The following MED16 variants were observed in gnomAD, a reference collection of about 807,000 sequenced individuals.
MED16 encodes the protein mediator complex subunit 16.
A neutral mutation model predicts 84.4 loss-of-function variants in MED16; 81 were observed. That is an observed-to-expected ratio of 0.96 (90% CI 0.80 to 1.15). The LOEUF (loss-of-function observed/expected upper bound fraction) is 1.15. Ranked by LOEUF, MED16 falls within the 50% of genes most tolerant of loss-of-function variation. The pLI is 0.00. For synonymous variants in MED16, 897 were observed against 552.2 expected (o/e 1.62, Z -8.76); for missense variants, 1,585 against 1,245.9 (o/e 1.27, Z -4.10).
At chr19:880,559 CG>C (rs966451509) in intron 7 of MED16, among the ~76,000 whole-genome samples, 2 of 151,038 alleles carry the variant, frequency 1.3e-5, no homozygotes, top group African/African-American at 4.9e-5. Context: ...GTACGAGGGC[CG>C]GGGGGAGGTG....
At position 877,193 on chromosome 19, in the gene MED16, G is replaced by C. The variant is rs771306272; in HGVS notation, c.1354-13C>G. The C allele has an allele frequency of 1.2e-6, 2 of 1,600,192 alleles. No homozygotes were observed. Among genetic ancestry groups the C allele is most frequent in the South Asian group, 1.1e-5 (1 of 89,720 alleles). On this transcript the variant is annotated splice_polypyrimidine_tract_variant and intron_variant, in intron 8 of 15. Transcript: ENST00000325464. ...GGAGCACGCTCAGCTGCCAGAGACA[G>C]AGCCCAAGGAGAGCCCGGTGAGATG...
At chr19:876,455 T>C (rs894766769) in intron 9 of MED16, among the ~76,000 whole-genome samples, 7 of 152,004 alleles carry the variant, frequency 4.6e-5, no homozygotes, top group African/African-American at 1.7e-4. Context: ...TCTGAGAGGA[T>C]GGCTTAGAAA....
intron 4 of MED16, among the ~76,000 whole-genome samples, chr19:887,051 C>T (rs2036539949): frequency 6.6e-6 from 1 of 151,654 alleles, no homozygotes; most frequent in Non-Finnish European, 1.5e-5. Context: ...TACACTCTGG[C>T]CTGGGCAACG....
intron 6 of MED16, among the ~76,000 whole-genome samples, chr19:883,169 G>A (rs2036454574): frequency 6.6e-6 from 1 of 152,236 alleles, no homozygotes; most frequent in African/African-American, 2.4e-5. Flanking sequence ...GCAGGGAGAA[G>A]CTAAGCTGCT....
At chr19:888,056 C>G (rs766289298) in intron 4 of MED16, among the ~76,000 whole-genome samples, 1 of 151,152 alleles carries the variant, frequency 6.6e-6, no homozygotes, top group Non-Finnish European at 1.5e-5. Flanking sequence ...TACAAAAAAG[C>G]AGCCGGGCGT....
intron 4 of MED16, among the ~76,000 whole-genome samples, chr19:887,770 A>G (rs1324465533): frequency 6.6e-6 from 1 of 152,132 alleles, no homozygotes; most frequent in Non-Finnish European, 1.5e-5. Context: ...CAGACACAGA[A>G]GGCTACGCAG....
At position 877,100 on chromosome 19, in the gene MED16, C is replaced by CAGCAGGAAG. The variant is rs2036264227; in HGVS notation, c.1425_1433dup (p.Phe476_Leu478dup). On this transcript the variant is annotated inframe_insertion, in exon 9 of 16. Coordinates refer to ENST00000325464, the MANE Select transcript of MED16 (RefSeq NM_005481.3). ...CGTAGCCGGTCACCATGCAGTACTC[C>CAGCAGGAAG]AGCAGGAAGAGCAGGTGCCGCAGCG... 5 of 1,612,690 alleles carry CAGCAGGAAG rather than the reference C, an allele frequency of 3.1e-6. No homozygotes were observed. Among genetic ancestry groups the CAGCAGGAAG allele is most frequent in the East Asian group, 2.2e-5 (1 of 44,882 alleles).
chr19:888,573 G>A (rs987077363), intron 4 of MED16, among the ~76,000 whole-genome samples: 1 of 151,966 alleles, frequency 6.6e-6, no homozygotes, highest in African/African-American at 2.4e-5. Context: ...CTATGGTGGT[G>A]GCCGCACAAC....
chr19:890,905 G>T, intron 2 of MED16, 58 bp downstream of exon 2: 1 of 1,561,868 alleles, frequency 6.4e-7, no homozygotes, highest in East Asian at 2.3e-5. Flanking sequence ...CGGGCACCTG[G>T]GGAACAGGGC....
chr19:880,428 A>C (rs1053934378), intron 7 of MED16, among the ~76,000 whole-genome samples: 1 of 152,250 alleles, frequency 6.6e-6, no homozygotes, highest in Non-Finnish European at 1.5e-5. Flanking sequence ...ACGCCCCTCA[A>C]GGAGCGCAGG....
Position 871,738 on chromosome 19 carries a change from G to A in MED16, c.2098+188C>T, listed in dbSNP as rs539250559. 16 of 1,046,800 alleles carry A rather than the reference G, an allele frequency of 1.5e-5. 1 individual carries two copies. In the South Asian group the frequency reaches 1.8e-4, roughly 12 times the overall value. 64.8% of individuals were successfully genotyped at this position (1,046,800 alleles called of 1,614,324 possible). ...TATGTTCTGGCGGGGGGCTCAGGCA[G>A]GACTTGTGTTTTGGTAGGGAGAGGG... On this transcript the variant is annotated intron_variant, in intron 12 of 15. Coordinates refer to ENST00000325464, the MANE Select transcript of MED16 (RefSeq NM_005481.3).
intron 6 of MED16, among the ~76,000 whole-genome samples, chr19:881,930 T>C (rs1026627196): frequency 3.3e-5 from 5 of 152,126 alleles, no homozygotes; most frequent in Non-Finnish European, 7.4e-5. Flanking sequence ...TGACCCAAGG[T>C]GGGCCCTGGG....
In MED16 at chr19:871,744, G is replaced by C. The variant is rs548921180; in HGVS notation, c.2098+182C>G. 2.6e-3 allele frequency: 2,271 copies of C among 863,772 alleles called. 19 individuals carry two copies. The highest frequency in any genetic ancestry group is 9.0e-3 in the South Asian group (634 of 70,736). The allele number at this position is 863,772 out of a possible 1,614,324, so 53.5% of individuals were successfully genotyped here. Reference sequence around the variant, plus strand: ...CTGGCGGGGGGCTCAGGCAGGACTTGTGTTTTGGTAGGGAGAGGGGAGCGG... The same window carrying C: ...CTGGCGGGGGGCTCAGGCAGGACTTCTGTTTTGGTAGGGAGAGGGGAGCGG... On this transcript the variant is annotated intron_variant, in intron 12 of 15. Coordinates refer to ENST00000325464, the MANE Select transcript of MED16 (RefSeq NM_005481.3).
intron 5 of MED16, 29 bp downstream of exon 5, chr19:885,741 A>G (rs2036512084): frequency 6.3e-7 from 1 of 1,594,014 alleles, no homozygotes; most frequent in Admixed American, 1.7e-5. Flanking sequence ...CAAGCCTGCC[A>G]GCCCACGTGA....
intron 1 of MED16, 46 bp from the exon 2 acceptor site, chr19:891,195 C>T (rs2036624950): frequency 4.5e-6 from 7 of 1,548,718 alleles, no homozygotes; most frequent in African/African-American, 2.7e-5. Context: ...GCTGAGCACC[C>T]AGGGCATGTG....
chr19:891,372 C>A (rs73505597), intron 1 of MED16, among the ~76,000 whole-genome samples: 2,758 of 152,170 alleles, frequency 0.018, 72 homozygotes, highest in African/African-American at 0.062. Context: ...AAGGTGGGAG[C>A]CCGGGAGGGC....
chr19:890,317 C>T (rs543941005), intron 2 of MED16, 73 bp from the exon 3 acceptor site: 9 of 1,104,214 alleles, frequency 8.2e-6, no homozygotes, highest in Non-Finnish European at 1.1e-5. Flanking sequence ...TCCAGGCAGG[C>T]TCCAGGTAAG....
chr19:887,273 G>A lies in MED16; in HGVS notation c.448-1072C>T, dbSNP rs114066375. On this transcript the variant is annotated intron_variant, in intron 4 of 15. Transcript: ENST00000325464. ...GGTGGTGAGGGGTTGCCATGGCGAC[G>A]ACTCATCTGGTGTCCACACCACACG... 8.0e-3 allele frequency among the ~76,000 whole-genome samples: 1,225 copies of A among 152,292 alleles called. 17 individuals carry two copies. Among genetic ancestry groups the A allele is most frequent in the African/African-American group, 0.028 (1,143 of 41,556 alleles).
Position 875,367 on chromosome 19 carries a change from T to G in MED16, c.1648A>C (p.Lys550Gln). ...GAGCTGATGGCGATGAGGAAGAGCT[T>G]GGTGTGGTAGTCGCACACGCGGGTC... ...TVTRVCDYHT[K>Q]LFLIAISSTL... The change falls in exon 10 of 16, where the codon AAG (lysine) becomes CAG (glutamine). Residue 550 changes from lysine to glutamine, a missense_variant. Coordinates refer to ENST00000325464, the MANE Select transcript of MED16 (RefSeq NM_005481.3). 6.2e-7 allele frequency: 1 copy of G among 1,609,918 alleles called. No homozygotes were observed. Among genetic ancestry groups the G allele is most frequent in the East Asian group, 2.2e-5 (1 of 44,842 alleles).
Sources: gnomAD v4.1 joint callset for allele counts (sites outside exome capture counted in the v4.1 genomes callset) on GRCh38, gnomAD v4.1.1 for gene constraint, MANE v1.5 for transcripts, NCBI Gene and HGNC (gene_info 2026-07-23, HGNC 2026-07-21) for gene names.